Variants in KCNMA1 observed in about 807,000 individuals in gnomAD.
The protein encoded by KCNMA1 is potassium calcium-activated channel subfamily M alpha 1, also known as Calcium-activated potassium channel subunit alpha-1.
Under a neutral mutation model 140.0 loss-of-function variants are expected in KCNMA1, and 29 were observed. The observed-to-expected ratio is 0.21, with a 90% CI of 0.15 to 0.28. KCNMA1 has a LOEUF of 0.28. Among genes scored for constraint, KCNMA1 ranks in the 10% least tolerant of loss-of-function variants. The pLI, the probability that KCNMA1 is intolerant of heterozygous loss-of-function variation, is 1.00. For synonymous variants in KCNMA1, 612 were observed against 611.9 expected (o/e 1.00, Z 0.00); for missense variants, 880 against 1,602.2 (o/e 0.55, Z 7.70).
intron 14 of KCNMA1, among the ~76,000 whole-genome samples, chr10:77,067,888 C>G (rs1046966614): frequency 1.3e-5 from 2 of 152,160 alleles, no homozygotes; most frequent in South Asian, 4.1e-4. Flanking sequence ...ATGGGATTAG[C>G]GCACTGTCTG....
intron 5 of KCNMA1, among the ~76,000 whole-genome samples, chr10:77,151,200 C>G (rs2098411934): frequency 2.6e-5 from 1 of 37,930 alleles, no homozygotes; most frequent in Non-Finnish European, 5.1e-5. Context: ...CCCTGTCTCT[C>G]TCTCTCTCTT....
chr10:77,635,796 G>C (rs2093670801), intron 1 of KCNMA1: 1 of 152,364 alleles, frequency 6.6e-6, no homozygotes, highest in Non-Finnish European at 1.5e-5. Context: ...GAGAATGATG[G>C]TTTTCATATT....
chr10:77,068,847 C>A (rs998362081), intron 14 of KCNMA1, among the ~76,000 whole-genome samples: 8 of 118,520 alleles, frequency 6.7e-5, no homozygotes, highest in African/African-American at 2.7e-4. Flanking sequence ...GTTAATCACC[C>A]TCTAAACACA....
intron 19 of KCNMA1, among the ~76,000 whole-genome samples, chr10:76,982,292 G>A (rs2079750419): frequency 6.8e-6 from 1 of 148,050 alleles, no homozygotes; most frequent in African/African-American, 2.5e-5. Flanking sequence ...AAATGTCTTA[G>A]ACAATAAGTT....
chr10:77,161,532 A>C (rs1328374773), intron 5 of KCNMA1, among the ~76,000 whole-genome samples: 2 of 152,136 alleles, frequency 1.3e-5, no homozygotes, highest in Admixed American at 1.3e-4. Context: ...GGTGTGAGCC[A>C]CCATGCCTGA....
At chr10:77,517,973 G>T (rs1259911150) in intron 1 of KCNMA1, among the ~76,000 whole-genome samples, 4 of 152,130 alleles carry the variant, frequency 2.6e-5, no homozygotes, top group Non-Finnish European at 4.4e-5. Flanking sequence ...AGGAAGAGGG[G>T]CCGTTAATCA....
chr10:77,267,248 C>G (rs532868114), intron 2 of KCNMA1, among the ~76,000 whole-genome samples: 1 of 152,286 alleles, frequency 6.6e-6, no homozygotes, highest in Admixed American at 6.5e-5. Context: ...GGGAGGAGCT[C>G]TGTGTGGAGC....
At chr10:77,175,778 C>T (rs898509050) in intron 5 of KCNMA1, among the ~76,000 whole-genome samples, 2 of 152,094 alleles carry the variant, frequency 1.3e-5, no homozygotes, top group African/African-American at 4.8e-5. Flanking sequence ...GCAGAGACAG[C>T]AAGAAGATGC....
At chr10:77,172,702 C>A (rs72805565) in intron 5 of KCNMA1, among the ~76,000 whole-genome samples, 172 of 146,074 alleles carry the variant, frequency 1.2e-3, no homozygotes, top group Non-Finnish European at 1.4e-3. Flanking sequence ...CAAAAAAAAA[C>A]AAAAAAAAAA....
At chr10:77,284,596 C>G (rs183026776) in intron 2 of KCNMA1, among the ~76,000 whole-genome samples, 112 of 152,192 alleles carry the variant, frequency 7.4e-4, no homozygotes, top group Admixed American at 1.8e-3. Context: ...TCACTGCAAC[C>G]TCCACCTCCC....
intron 27 of KCNMA1, among the ~76,000 whole-genome samples, chr10:76,888,897 A>G (rs2098893680): frequency 6.6e-6 from 1 of 151,996 alleles, no homozygotes; most frequent in Admixed American, 6.6e-5. Flanking sequence ...TCTCTCTACT[A>G]AAAACACAAA....
intron 1 of KCNMA1, among the ~76,000 whole-genome samples, chr10:77,473,576 T>C (rs962988054): frequency 1.3e-5 from 2 of 152,110 alleles, no homozygotes; most frequent in African/African-American, 4.8e-5. Context: ...GGGGCCTCCG[T>C]GGATGGAAAC....
intron 1 of KCNMA1, among the ~76,000 whole-genome samples, chr10:77,563,238 G>C (rs2066994921): frequency 1.3e-5 from 2 of 152,110 alleles, no homozygotes; most frequent in South Asian, 4.1e-4. Flanking sequence ...TAATTGCAAG[G>C]CCAAAAATCA....
chr10:77,103,794 C>G (rs1206804464), intron 9 of KCNMA1, among the ~76,000 whole-genome samples: 8 of 152,180 alleles, frequency 5.3e-5, no homozygotes, highest in Non-Finnish European at 1.2e-4. Context: ...TTTTTCCCCT[C>G]AATCCTGGGG....
Position 77,627,913 on chromosome 10 carries a change from G to A in KCNMA1, c.378+9352C>T, listed in dbSNP as rs565853438. 9.2e-5 allele frequency among the ~76,000 whole-genome samples: 14 copies of A among 152,318 alleles called. No homozygotes were observed. The South Asian group carries it at 2.3e-3, about 25-fold the overall frequency. ...TTCCTTCCACCACTGTGAATTTATA[G>A]TTCCATGCGCTTCTGCACTTGTTAA... On this transcript the variant is annotated intron_variant, in intron 1 of 27. Coordinates refer to ENST00000286628, the MANE Select transcript of KCNMA1 (RefSeq NM_001161352.2).
At chr10:77,622,782 AT>A (rs900244541) in intron 1 of KCNMA1, among the ~76,000 whole-genome samples, 9 of 152,080 alleles carry the variant, frequency 5.9e-5, no homozygotes, top group Admixed American at 4.6e-4. Context: ...GTTTGTTCTG[AT>A]TTTTTTTCCC....
intron 3 of KCNMA1, among the ~76,000 whole-genome samples, chr10:77,208,491 A>T (rs1473357709): frequency 6.6e-6 from 1 of 152,198 alleles, no homozygotes; most frequent in Non-Finnish European, 1.5e-5. Flanking sequence ...CTCTAAAAAT[A>T]AATAATAAGT....
At chr10:77,530,176 C>T (rs560415099) in intron 1 of KCNMA1, among the ~76,000 whole-genome samples, 7 of 152,322 alleles carry the variant, frequency 4.6e-5, no homozygotes, top group Non-Finnish European at 7.4e-5. Flanking sequence ...CCTTGTGGTG[C>T]TGGACTAACC....
chr10:76,992,478 G>A (rs1335064982), intron 19 of KCNMA1, among the ~76,000 whole-genome samples: 2 of 152,180 alleles, frequency 1.3e-5, no homozygotes, highest in Non-Finnish European at 2.9e-5. Flanking sequence ...CCTGTAAGCA[G>A]ATGTGGCGAT....
Sources: gnomAD v4.1 joint callset for allele counts (sites outside exome capture counted in the v4.1 genomes callset) on GRCh38, gnomAD v4.1.1 for gene constraint, MANE v1.5 for transcripts, NCBI Gene and HGNC (gene_info 2026-07-23, HGNC 2026-07-21) for gene names.